The following ATP8A2 variants were observed in gnomAD, a reference collection of about 807,000 sequenced individuals.
The protein encoded by ATP8A2 is ATPase phospholipid transporting 8A2, also known as phospholipid-transporting ATPase IB.
In ATP8A2, 100 loss-of-function variants were observed where a neutral mutation model predicts 165.6. The observed-to-expected ratio is 0.60, with a 90% CI of 0.51 to 0.71. The LOEUF is 0.71. ATP8A2 is among the 30% of genes least tolerant of loss of function. ATP8A2 has a pLI of 0.00. For missense variants in ATP8A2, 1,227 were observed against 1,479.5 expected (o/e 0.83, Z 2.80); for synonymous variants, 543 against 548.8 (o/e 0.99, Z 0.15).
intron 24 of ATP8A2, among the ~76,000 whole-genome samples, chr13:25,684,098 T>C (rs1450335318): frequency 6.6e-6 from 1 of 152,186 alleles, no homozygotes; most frequent in East Asian, 1.9e-4. Context: ...TAAGATATAA[T>C]AAAAAGGCTT....
chr13:25,399,702 C>G, intron 1 of ATP8A2, among the ~76,000 whole-genome samples: 1 of 151,534 alleles, frequency 6.6e-6, no homozygotes, highest in Non-Finnish European at 1.5e-5. Flanking sequence ...GCGCCCGGCC[C>G]GTGGTTCTTC....
chr13:25,939,562 T>C (rs1489267474), intron 33 of ATP8A2, among the ~76,000 whole-genome samples: 1 of 152,294 alleles, frequency 6.6e-6, no homozygotes, highest in East Asian at 1.9e-4. Flanking sequence ...TTCGCCATAT[T>C]GGGGATGTTT....
chr13:25,690,676 G>A (rs1352863563), intron 24 of ATP8A2, among the ~76,000 whole-genome samples: 1 of 152,192 alleles, frequency 6.6e-6, no homozygotes, highest in Non-Finnish European at 1.5e-5. Context: ...GAGCATGCAG[G>A]TGTTTGTGAG....
chr13:25,844,850 A>G (rs545763659), intron 30 of ATP8A2, among the ~76,000 whole-genome samples: 35 of 152,296 alleles, frequency 2.3e-4, no homozygotes, highest in Admixed American at 5.2e-4. Flanking sequence ...TTCTGCCTCC[A>G]CCATCTATGG....
intron 30 of ATP8A2, among the ~76,000 whole-genome samples, chr13:25,855,217 C>G (rs1173826878): frequency 6.6e-6 from 1 of 151,168 alleles, no homozygotes; most frequent in Non-Finnish European, 1.5e-5. Context: ...AGCCATTGCA[C>G]TCCAGCCTGG....
At chr13:25,727,673 A>C (rs538992158) in intron 25 of ATP8A2, among the ~76,000 whole-genome samples, 1 of 152,358 alleles carries the variant, frequency 6.6e-6, no homozygotes, top group East Asian at 1.9e-4. Context: ...ATGTTTTTCT[A>C]TATAATATTT....
chr13:26,019,671 C>G (rs1319140485), intron 36 of ATP8A2, among the ~76,000 whole-genome samples: 1 of 152,188 alleles, frequency 6.6e-6, no homozygotes, highest in East Asian at 1.9e-4. Context: ...CCAGCATCAG[C>G]AGCTAGAACC....
chr13:25,396,747 G>A (rs2033439250), intron 1 of ATP8A2, among the ~76,000 whole-genome samples: 2 of 152,194 alleles, frequency 1.3e-5, no homozygotes, highest in African/African-American at 2.4e-5. Context: ...CCTGCCACTA[G>A]CAAGTATGCA....
At chr13:25,674,760 C>T (rs2042338778) in intron 24 of ATP8A2, among the ~76,000 whole-genome samples, 1 of 152,148 alleles carries the variant, frequency 6.6e-6, no homozygotes, top group African/African-American at 2.4e-5. Context: ...AGTGCAAAAC[C>T]TGAATACTTT....
At chr13:25,543,127 G>C (rs999006580) in intron 9 of ATP8A2, among the ~76,000 whole-genome samples, 164 bp from the exon 10 acceptor site, 4 of 152,264 alleles carry the variant, frequency 2.6e-5, no homozygotes, top group South Asian at 4.1e-4. Flanking sequence ...TCCTTTTGGG[G>C]TAGATTAAGC....
At chr13:25,460,714 G>A (rs929791329) in intron 1 of ATP8A2, among the ~76,000 whole-genome samples, 4 of 152,124 alleles carry the variant, frequency 2.6e-5, no homozygotes, top group East Asian at 1.9e-4. Context: ...CCACTGTGCC[G>A]GAGCCAACTA....
chr13:25,529,300 A>G (rs2037953675), intron 2 of ATP8A2, among the ~76,000 whole-genome samples: 1 of 152,186 alleles, frequency 6.6e-6, no homozygotes, highest in Non-Finnish European at 1.5e-5. Flanking sequence ...TTCACTCACT[A>G]TCTGCTATGT....
At chr13:25,862,231 G>C in intron 32 of ATP8A2, 70 bp from the exon 33 acceptor site, 1 of 1,066,738 alleles carries the variant, frequency 9.4e-7, no homozygotes, top group Non-Finnish European at 1.4e-6. Flanking sequence ...GGATTCTGCA[G>C]CAAGTGGAGT....
chr13:25,507,031 T>C (rs1286442346), intron 2 of ATP8A2, among the ~76,000 whole-genome samples: 4 of 151,106 alleles, frequency 2.6e-5, no homozygotes, highest in Non-Finnish European at 4.4e-5. Context: ...TATCTGTGTA[T>C]CTCTATATAA....
At chr13:25,720,167 C>CTTTTTTTTTTTTTTTTTTTTTTTTTTTT (rs1007404557) in intron 25 of ATP8A2, among the ~76,000 whole-genome samples, 1 of 117,288 alleles carries the variant, frequency 8.5e-6, no homozygotes, top group African/African-American at 3.8e-5. Context: ...TATACTTTTT[C>CTTTTTTTTTTTTTTTTTTTTTTTTTTTT]TTTTTTTTTT....
In ATP8A2 at chr13:25,937,148, A is replaced by AT. The variant is rs142563008; in HGVS notation, c.3184-24421dup. On this transcript the variant is annotated intron_variant, in intron 33 of 36. Transcript: ENST00000381655. Reference sequence around the variant, plus strand: ...AAGCAACTGACAATAGTTGATTAATATTTTTTAAAGAAGAGGGGATAAAGG... The same window carrying AT: ...AAGCAACTGACAATAGTTGATTAATATTTTTTTAAAGAAGAGGGGATAAAGG... Among the ~76,000 whole-genome samples, 1,057 of 152,216 alleles carry AT rather than the reference A, an allele frequency of 6.9e-3. 20 individuals carry two copies. Among genetic ancestry groups the AT allele is most frequent in the African/African-American group, 0.024 (1,003 of 41,540 alleles).
At chr13:25,839,079 G>C (rs1331188758) in intron 29 of ATP8A2, among the ~76,000 whole-genome samples, 1 of 152,130 alleles carries the variant, frequency 6.6e-6, no homozygotes, top group Non-Finnish European at 1.5e-5. Flanking sequence ...CATGTAAAAA[G>C]TTACAAGTGG....
At chr13:25,765,634 T>C (rs917878993) in intron 25 of ATP8A2, among the ~76,000 whole-genome samples, 1 of 152,190 alleles carries the variant, frequency 6.6e-6, no homozygotes, top group Non-Finnish European at 1.5e-5. Flanking sequence ...TATGACTTGC[T>C]TTATATACCC....
chr13:25,869,702 G>T (rs1314026876), intron 33 of ATP8A2, among the ~76,000 whole-genome samples: 1 of 152,184 alleles, frequency 6.6e-6, no homozygotes, highest in East Asian at 1.9e-4. Flanking sequence ...TGTCCCCCTG[G>T]CAGGGCGTGT....
Sources: allele counts gnomAD v4.1 joint callset (sites outside exome capture counted in the v4.1 genomes callset), GRCh38; gene constraint gnomAD v4.1.1; transcripts MANE v1.5; gene names NCBI Gene and HGNC (gene_info 2026-07-23, HGNC 2026-07-21).